Variants in ESRRB observed in about 807,000 individuals in gnomAD.
ESRRB encodes the protein steroid hormone receptor ERR2.
Under a neutral mutation model 46.0 loss-of-function variants are expected in ESRRB, and 16 were observed. The ratio of observed to expected loss-of-function variants is 0.35; its 90% CI spans 0.24 to 0.53. The LOEUF (loss-of-function observed/expected upper bound fraction) is 0.53. Ranked by LOEUF, ESRRB falls within the 20% of genes least tolerant of loss-of-function variation. The pLI is 0.93. For missense variants in ESRRB, 488 were observed against 607.4 expected, an observed-to-expected ratio of 0.80 and a Z score of 2.07; for synonymous variants, 246 against 259.6, an observed-to-expected ratio of 0.95 and a Z score of 0.50.
In ESRRB at chr14:76,498,258, G is replaced by A. The variant is rs535904835; in HGVS notation, c.1165G>A (p.Asp389Asn). Residue 389 changes from aspartate to asparagine, a missense_variant, in exon 7 of 7, where the codon GAC becomes AAC. By Grantham distance (23) the Asp-to-Asn change is conservative. Coordinates refer to ENST00000644823, the MANE Select transcript of ESRRB (RefSeq NM_001379180.1). ...EDLEAVQKLQ[D>N]LLHEALQDYE... ...TCTAGAGGCTGTCCAGAAGCTGCAG[G>A]ACCTGCTGCACGAGGCACTGCAGGA... is the stretch of plus-strand genomic sequence containing the variant. 6 of 1,613,804 alleles carry A rather than the reference G, an allele frequency of 3.7e-6. No individual in the cohort carries two copies. Among genetic ancestry groups the A allele is most frequent in the Middle Eastern group, 1.6e-4 (1 of 6,062 alleles).
At chr14:76,413,800 C>T (rs1418900257) in intron 1 of ESRRB, among the ~76,000 whole-genome samples, 1 of 151,718 alleles carries the variant, frequency 6.6e-6, no homozygotes, top group Non-Finnish European at 1.5e-5. Flanking sequence ...TCCCCAGCCA[C>T]ATGCAGCAGA....
rs1595060455 is a variant in ESRRB, at chr14:76,376,405, G to A, written c.4G>A (p.Asp2Asn). 4 of 1,231,710 alleles carry A rather than the reference G, an allele frequency of 3.2e-6. No individual in the cohort carries two copies. The highest frequency in any genetic ancestry group is 4.0e-6 in the Non-Finnish European group (4 of 987,996). The allele number at this position is 1,231,710 out of a possible 1,614,324, so 76.3% of individuals were successfully genotyped here. A position where few individuals can be genotyped will look rare whatever the true frequency, so the allele number is the denominator to read the frequency against. ...TGGGAATGCTAAAACGGGACTGATG[G>A]ACGTGTCCGAACTCTGCATCCCGGA... is the stretch of plus-strand genomic sequence containing the variant. M[D>N]VSELCIPDPL... Residue 2 changes from aspartate to asparagine, a missense_variant, in exon 1 of 7, where the codon GAC (aspartate) becomes AAC (asparagine). Asp to Asn is a conservative substitution (Grantham distance 23). Coordinates refer to ENST00000644823, the MANE Select transcript of ESRRB (RefSeq NM_001379180.1). The surrounding 1 kb of genome is among the most constrained non-coding windows in gnomAD (Gnocchi z 4.1).
chr14:76,411,221 G>A (rs1886424967), intron 1 of ESRRB, among the ~76,000 whole-genome samples: 1 of 151,334 alleles, frequency 6.6e-6, no homozygotes, highest in Admixed American at 6.6e-5. Flanking sequence ...GCCAAGGCAG[G>A]CAGATCACCT....
At chr14:76,408,722 T>C (rs528445228) in intron 1 of ESRRB, among the ~76,000 whole-genome samples, 1 of 150,744 alleles carries the variant, frequency 6.6e-6, no homozygotes, top group East Asian at 1.9e-4. Context: ...CTGGAGGAGC[T>C]AGGAGGAGAG....
intron 1 of ESRRB, among the ~76,000 whole-genome samples, chr14:76,318,784 GA>G (rs1318977376): frequency 6.6e-6 from 1 of 152,196 alleles, no homozygotes; most frequent in Non-Finnish European, 1.5e-5. Context: ...CCTGGTGCCA[GA>G]AAGGCCAAGA....
In ESRRB at chr14:76,491,715, C is replaced by T. The variant is rs545480530; in HGVS notation, c.1119C>T (p.Ser373=). The stretch of plus-strand genomic sequence containing the variant: ...TCAAGGCCCTGGCCCTCGCCAACTC[C>T]GGTAAGGGCGGCGGCGGGGCCTGGA... ...VTLKALALAN[S]DSMYIEDLEA... The change falls in exon 6 of 7, where the codon TCC becomes TCT. Residue 373 remains serine, a splice_region_variant and synonymous_variant. Transcript: ENST00000644823. The T allele has an allele frequency of 1.5e-5, 24 of 1,575,382 alleles. No homozygotes were observed. Among genetic ancestry groups the T allele is most frequent in the African/African-American group, 5.3e-5 (4 of 74,770 alleles).
rs181014500 is a variant in ESRRB, at chr14:76,377,287, G to C, written c.50+836G>C. Among the ~76,000 whole-genome samples the C allele has an allele frequency of 5.3e-4, 80 of 152,334 alleles. 1 individual carries two copies. In the East Asian group the frequency reaches 0.015, roughly 29 times the overall value. On this transcript the variant is annotated intron_variant, in intron 1 of 6. Transcript: ENST00000644823. ...AGAGCGCAGAGTGGGAAAGTGAACT[G>C]ATCGCCTAAGCAGCGGGTGGTCAAC... is the stretch of plus-strand genomic sequence containing the variant.
intron 1 of ESRRB, among the ~76,000 whole-genome samples, chr14:76,389,030 G>A (rs1370236748): frequency 6.6e-6 from 1 of 152,072 alleles, no homozygotes. Flanking sequence ...CTTTAGGCAG[G>A]CACCCCCCAC....
chr14:76,417,583 G>C (rs116797154), intron 1 of ESRRB, among the ~76,000 whole-genome samples: 1 of 152,158 alleles, frequency 6.6e-6, no homozygotes, highest in Non-Finnish European at 1.5e-5. Context: ...TGTTTGCAGC[G>C]AACACGCATT....
At chr14:76,391,129 G>GGCTGCATTGTGGTTTCTTGGGAT in intron 1 of ESRRB, among the ~76,000 whole-genome samples, 1 of 152,156 alleles carries the variant, frequency 6.6e-6, no homozygotes, top group African/African-American at 2.4e-5. Context: ...AGGTTACATT[G>GGCTGCATTGTGGTTTCTTGGGAT]GCTGCATTGT....
intron 1 of ESRRB, among the ~76,000 whole-genome samples, chr14:76,419,864 G>T (rs11847324): frequency 6.6e-6 from 1 of 152,014 alleles, no homozygotes; most frequent in African/African-American, 2.4e-5. Flanking sequence ...TGAGCTGCCC[G>T]GCAGAGGGGG....
chr14:76,355,933 C>A (rs77537176), intron 1 of ESRRB, among the ~76,000 whole-genome samples: 1 of 152,204 alleles, frequency 6.6e-6, no homozygotes, highest in Non-Finnish European at 1.5e-5. Flanking sequence ...GATCAGATGA[C>A]CCTCTTCCGC....
At chr14:76,403,789 C>T (rs1465588859) in intron 1 of ESRRB, among the ~76,000 whole-genome samples, 1 of 151,966 alleles carries the variant, frequency 6.6e-6, no homozygotes, top group African/African-American at 2.4e-5. Context: ...TGCAATGGCA[C>T]AATCTCAGTT....
upstream of ESRRB, among the ~76,000 whole-genome samples, chr14:76,367,800 C>T (rs557213934): frequency 2.6e-5 from 4 of 152,266 alleles, no homozygotes; most frequent in Admixed American, 2.6e-4. Flanking sequence ...GGGTCAGCAC[C>T]TAAGTGTTTG....
At position 76,445,671 on chromosome 14, in the gene ESRRB, C is replaced by T. The variant is rs183066043; in HGVS notation, c.460+5921C>T. Among the ~76,000 whole-genome samples, 61 of 150,314 alleles carry T rather than the reference C, an allele frequency of 4.1e-4. 1 individual carries two copies. The highest frequency in any genetic ancestry group is 1.4e-3 in the African/African-American group (58 of 40,568). ...GAGAAAGACTAAGACCGAGTCATTC[C>T]TTCTCCACCAATCTTTTTTTTTTTT... On this transcript the variant is annotated intron_variant, in intron 2 of 6. Coordinates refer to ENST00000644823, the MANE Select transcript of ESRRB (RefSeq NM_001379180.1).
intron 1 of ESRRB, among the ~76,000 whole-genome samples, chr14:76,342,771 T>A: frequency 6.6e-6 from 1 of 152,202 alleles, no homozygotes; most frequent in East Asian, 1.9e-4. Context: ...ACTTGACAAA[T>A]AATAACTGAC....
At chr14:76,358,542 G>A (rs1159099792) in intron 1 of ESRRB, among the ~76,000 whole-genome samples, 1 of 151,864 alleles carries the variant, frequency 6.6e-6, no homozygotes, top group Non-Finnish European at 1.5e-5. Flanking sequence ...TTCATTTAAT[G>A]AAAATTCAGT....
chr14:76,440,149 C>T lies in ESRRB; in HGVS notation c.460+399C>T, dbSNP rs186508896. ...CAGACTTACGGGACATAGAAAGCGTCCCTCACCTTGTTTTTGTCTTACTTA... is the reference window on the plus strand; with the variant it reads ...CAGACTTACGGGACATAGAAAGCGTTCCTCACCTTGTTTTTGTCTTACTTA... On this transcript the variant is annotated intron_variant, in intron 2 of 6. Transcript: ENST00000644823. Among the ~76,000 whole-genome samples, 457 of 152,252 alleles carry T rather than the reference C, an allele frequency of 3.0e-3. 1 individual carries two copies. The highest frequency in any genetic ancestry group is 0.01 in the African/African-American group (432 of 41,548).
chr14:76,429,849 ATGTGTG>A lies in ESRRB; in HGVS notation c.51-9474_51-9469del, dbSNP rs58340334. Among the ~76,000 whole-genome samples the A allele has an allele frequency of 3.6e-3, 538 of 150,294 alleles. 4 individuals are homozygous for A. Among genetic ancestry groups the A allele is most frequent in the African/African-American group, 0.012 (499 of 41,132 alleles). ...GATGAAAAATCTGAGTTTAAGTTTT[ATGTGTG>A]TGTGTGTGTGTGTGTGTAATTAATG... is the stretch of plus-strand genomic sequence containing the variant. On this transcript the variant is annotated intron_variant, in intron 1 of 6. Coordinates refer to ENST00000644823, the MANE Select transcript of ESRRB (RefSeq NM_001379180.1).
Sources: gnomAD v4.1 joint callset for allele counts (sites outside exome capture counted in the v4.1 genomes callset) on GRCh38, gnomAD v4.1.1 for gene constraint, Gnocchi (gnomAD v3.1) non-coding constraint, MANE v1.5 for transcripts, NCBI Gene and HGNC (gene_info 2026-07-23, HGNC 2026-07-21) for gene names.